ZBTB7C: variants seen among roughly 807,000 people sequenced by gnomAD.
ZBTB7C encodes zinc finger and BTB domain-containing protein 7C.
A neutral mutation model predicts 25.7 loss-of-function variants in ZBTB7C; 8 were observed. The ratio of observed to expected loss-of-function variants is 0.31; its 90% CI spans 0.18 to 0.56. The LOEUF (loss-of-function observed/expected upper bound fraction) is 0.56, where lower values mean the gene tolerates loss of function less well. ZBTB7C is among the 20% of genes least tolerant of loss of function. The pLI is 0.91. For synonymous variants in ZBTB7C, 394 were observed against 369.0 expected, an observed-to-expected ratio of 1.07 and a Z score of -0.78; for missense variants, 824 against 855.2, an observed-to-expected ratio of 0.96 and a Z score of 0.46.
intron 4 of ZBTB7C, 112 bp from the exon 5 acceptor site, chr18:48,030,023 A>G: frequency 7.2e-7 from 1 of 1,397,740 alleles, no homozygotes; most frequent in Non-Finnish European, 9.8e-7. Flanking sequence ...CCATGGAGTC[A>G]AACCCCAGAA....
chr18:48,400,204 G>A (rs1172258490), intron 1 of ZBTB7C, among the ~76,000 whole-genome samples: 1 of 152,204 alleles, frequency 6.6e-6, no homozygotes. Context: ...AAATGGTCCA[G>A]ACAGAACTTT....
chr18:48,410,428 G>A (rs1450989064), upstream of ZBTB7C, among the ~76,000 whole-genome samples: 1 of 152,190 alleles, frequency 6.6e-6, no homozygotes, highest in Non-Finnish European at 1.5e-5. Context: ...ATGCCAACGG[G>A]CGGGCCCGGG....
intron 2 of ZBTB7C, among the ~76,000 whole-genome samples, chr18:48,298,399 T>C (rs1200298941): frequency 6.6e-6 from 1 of 151,978 alleles, no homozygotes; most frequent in African/African-American, 2.4e-5. Flanking sequence ...AAGATGACAG[T>C]GGGCACTCAT....
chr18:48,136,156 C>T (rs924949590), intron 3 of ZBTB7C, among the ~76,000 whole-genome samples: 5 of 152,188 alleles, frequency 3.3e-5, no homozygotes, highest in African/African-American at 4.8e-5. Context: ...GCCCCGCGGC[C>T]GCTGCGCCCG....
At chr18:48,121,157 G>T (rs1011837238) in intron 3 of ZBTB7C, among the ~76,000 whole-genome samples, 1 of 152,216 alleles carries the variant, frequency 6.6e-6, no homozygotes, top group Non-Finnish European at 1.5e-5. Context: ...GTCCCTCGAA[G>T]ACAGAGATCC....
chr18:48,288,313 A>G (rs1386310200), intron 2 of ZBTB7C, among the ~76,000 whole-genome samples: 1 of 152,204 alleles, frequency 6.6e-6, no homozygotes, highest in Non-Finnish European at 1.5e-5. Flanking sequence ...TGATTAGGTC[A>G]TGGAGGCACA....
chr18:48,371,893 G>T (rs974822810), intron 1 of ZBTB7C, among the ~76,000 whole-genome samples: 1 of 152,108 alleles, frequency 6.6e-6, no homozygotes, highest in South Asian at 2.1e-4. Flanking sequence ...GGCTCCAATC[G>T]CCAGCTGATC....
intron 2 of ZBTB7C, among the ~76,000 whole-genome samples, chr18:48,262,533 T>C (rs1416528714): frequency 1.3e-5 from 2 of 152,034 alleles, no homozygotes; most frequent in African/African-American, 2.4e-5. Context: ...ATATAGATGA[T>C]GTGGAAATGC....
intron 3 of ZBTB7C, among the ~76,000 whole-genome samples, chr18:48,077,720 G>A (rs1428202179): frequency 3.3e-5 from 5 of 152,190 alleles, no homozygotes; most frequent in Non-Finnish European, 5.9e-5. Flanking sequence ...AACATTTGAT[G>A]AGCACCTGGG....
At chr18:48,073,913 T>G (rs751385094) in intron 3 of ZBTB7C, among the ~76,000 whole-genome samples, 3 of 152,204 alleles carry the variant, frequency 2.0e-5, no homozygotes, top group Non-Finnish European at 4.4e-5. Context: ...AAAGAAATAT[T>G]AGCTTCTCAG....
At chr18:48,347,435 A>C (rs2046766697) in intron 1 of ZBTB7C, among the ~76,000 whole-genome samples, 1 of 152,090 alleles carries the variant, frequency 6.6e-6, no homozygotes, top group South Asian at 2.1e-4. Flanking sequence ...TGCTTCCCCT[A>C]GGAAGCCCTC....
rs2144952630 is a variant in ZBTB7C, at chr18:48,338,231, T to G, written c.-136A>C. ...CCAAAGCATTGATTCTTCTTGGATC[T>G]CCCCAGCAGTGCAGCCCCAAACGCC... On this transcript the variant is annotated 5_prime_UTR_variant, in exon 2 of 5. Coordinates refer to ENST00000590800, the MANE Select transcript of ZBTB7C (RefSeq NM_001318841.2). 6.6e-6 allele frequency: 1 copy of G among 152,376 alleles called. No individual in the cohort carries two copies. Among genetic ancestry groups the G allele is most frequent in the African/African-American group, 2.4e-5 (1 of 41,580 alleles). The allele number at this position is 152,376 out of a possible 1,614,324, so 9.4% of individuals were successfully genotyped here. A position where few individuals can be genotyped will look rare whatever the true frequency, so the allele number is the denominator to read the frequency against.
intron 2 of ZBTB7C, among the ~76,000 whole-genome samples, chr18:48,316,230 T>G (rs1309051077): frequency 2.0e-5 from 3 of 152,206 alleles, no homozygotes; most frequent in Non-Finnish European, 4.4e-5. Flanking sequence ...GGGATTTGTT[T>G]TAGTTTTTGT....
In ZBTB7C at chr18:48,158,129, A is replaced by C. The variant is rs556985154; in HGVS notation, c.-17+27805T>G. Among the ~76,000 whole-genome samples, 70 of 152,134 alleles carry C rather than the reference A, an allele frequency of 4.6e-4. 3 individuals are homozygous for C. Among genetic ancestry groups the C allele is most frequent in the Non-Finnish European group, 1.2e-4 (8 of 68,020 alleles). On this transcript the variant is annotated intron_variant, in intron 3 of 4. Transcript: ENST00000590800. ...TGGTATCTGGTCTGGACAAGCTGAG[A>C]AGTTAAATATGCCCAGGTTACCACC...
intron 3 of ZBTB7C, among the ~76,000 whole-genome samples, chr18:48,174,485 A>C (rs1176211080): frequency 4.6e-5 from 7 of 152,280 alleles, no homozygotes; most frequent in Non-Finnish European, 8.8e-5. Flanking sequence ...CAACTGACAC[A>C]ACCCCATGGA....
intron 3 of ZBTB7C, among the ~76,000 whole-genome samples, chr18:48,131,581 A>G (rs972528864): frequency 6.6e-6 from 1 of 152,180 alleles, no homozygotes; most frequent in African/African-American, 2.4e-5. Context: ...ATTCAGTCCC[A>G]TAGGCATAAA....
intron 1 of ZBTB7C, among the ~76,000 whole-genome samples, chr18:48,405,224 T>G (rs1223482321): frequency 6.6e-6 from 1 of 152,012 alleles, no homozygotes; most frequent in Non-Finnish European, 1.5e-5. Flanking sequence ...GGGAGGACTT[T>G]GGTGTTGGTT....
intron 3 of ZBTB7C, among the ~76,000 whole-genome samples, chr18:48,049,925 C>T (rs2036616956): frequency 1.3e-5 from 2 of 152,232 alleles, no homozygotes; most frequent in Admixed American, 6.5e-5. Context: ...CCGACTCCCA[C>T]TATCCCGGAA....
At chr18:48,039,879 C>T (rs1476563367) in intron 4 of ZBTB7C, 21 bp downstream of exon 4, 18 of 1,607,280 alleles carry the variant, frequency 1.1e-5, no homozygotes, top group East Asian at 1.1e-4. Flanking sequence ...GTGCCCCACA[C>T]CCGAGGGCTG....
Sources: allele counts gnomAD v4.1 joint callset (sites outside exome capture counted in the v4.1 genomes callset), GRCh38; gene constraint gnomAD v4.1.1; transcripts MANE v1.5; gene names NCBI Gene and HGNC (gene_info 2026-07-23, HGNC 2026-07-21).